CCPG1: variants seen among roughly 807,000 people sequenced by gnomAD.
CCPG1 encodes cell cycle progression 1.
Under a neutral mutation model 81.3 loss-of-function variants are expected in CCPG1, and 46 were observed. That is an observed-to-expected ratio of 0.57 (90% CI 0.45 to 0.72). The LOEUF (loss-of-function observed/expected upper bound fraction) is 0.72, where lower values mean the gene tolerates loss of function less well. Ranked by LOEUF, CCPG1 falls within the 30% of genes least tolerant of loss-of-function variation. The pLI is 0.00. For synonymous variants in CCPG1, 330 were observed against 305.2 expected (o/e 1.08, Z -0.85); for missense variants, 902 against 937.6 (o/e 0.96, Z 0.50).
At chr15:55,378,080 T>C (rs1179601095) in intron 4 of CCPG1, among the ~76,000 whole-genome samples, 2 of 152,156 alleles carry the variant, frequency 1.3e-5, no homozygotes, top group African/African-American at 2.4e-5. Context: ...AAGAATGCAA[T>C]CTACTTCCAA....
chr15:55,381,769 T>C (rs1396672864), intron 3 of CCPG1, among the ~76,000 whole-genome samples: 1 of 152,148 alleles, frequency 6.6e-6, no homozygotes, highest in Non-Finnish European at 1.5e-5. Flanking sequence ...GTCCTATTTC[T>C]CTATATAAAT....
chr15:55,356,935 T>G (rs919862658), intron 8 of CCPG1: 1 of 985,552 alleles, frequency 1.0e-6, no homozygotes, highest in African/African-American at 1.7e-5. Context: ...CAAGAAAACA[T>G]TTTCCGCACA....
chr15:55,398,351 G>A (rs749845360), intron 1 of CCPG1: 10 of 152,206 alleles, frequency 6.6e-5, no homozygotes, highest in Non-Finnish European at 8.8e-5. Context: ...TCTCCCACAC[G>A]TCTACAATTC....
chr15:55,368,310 G>A (rs529415944), intron 6 of CCPG1, among the ~76,000 whole-genome samples: 128 of 152,170 alleles, frequency 8.4e-4, no homozygotes, highest in African/African-American at 2.8e-3. Flanking sequence ...CCAAGATTAC[G>A]TCTTCCTCAG....
intron 1 of CCPG1, among the ~76,000 whole-genome samples, chr15:55,404,232 C>G (rs1354007126): frequency 6.6e-6 from 1 of 150,458 alleles, no homozygotes. Context: ...TGAAAAACAA[C>G]GTGTTACCAG....
intron 1 of CCPG1, among the ~76,000 whole-genome samples, chr15:55,407,038 C>CCCACCG (rs1566988237): frequency 8.9e-6 from 1 of 112,104 alleles, no homozygotes; most frequent in South Asian, 2.9e-4. Context: ...CACGTTGAGA[C>CCCACCG]CCCCCCCCCC....
chr15:55,404,084 CTAA>C (rs1194062074), intron 1 of CCPG1, among the ~76,000 whole-genome samples: 7 of 151,994 alleles, frequency 4.6e-5, no homozygotes, highest in Admixed American at 6.6e-5. Context: ...GACCCAAAGC[CTAA>C]TAACATATTG....
At chr15:55,366,177 T>C (rs866849985) in intron 6 of CCPG1, among the ~76,000 whole-genome samples, 2 of 152,208 alleles carry the variant, frequency 1.3e-5, no homozygotes, top group African/African-American at 4.8e-5. Context: ...CTTACTATAT[T>C]GAAGGCACTC....
chr15:55,360,264 AAACTCCTTGGTAGAATTC>A lies in CCPG1; in HGVS notation c.1491_1508del (p.Lys497_Phe503delinsAsn). 1 of 1,613,990 alleles carries A rather than the reference AAACTCCTTGGTAGAATTC, an allele frequency of 6.2e-7. No individual in the cohort carries two copies. The highest frequency in any genetic ancestry group is 8.5e-7 in the Non-Finnish European group (1 of 1,180,000). On this transcript the variant is annotated inframe_deletion, in exon 8 of 9. Coordinates refer to ENST00000442196, the MANE Select transcript of CCPG1 (RefSeq NM_001204450.2). Reference sequence around the variant, plus strand: ...TAATTTTCTCTTTATGATGCCTTACAAACTCCTTGGTAGAATTCTTCATGGCATCAAATGTTTCCTTAA... The same window carrying A: ...TAATTTTCTCTTTATGATGCCTTACATTCATGGCATCAAATGTTTCCTTAA...
chr15:55,397,781 A>C (rs2057049363), intron 1 of CCPG1, among the ~76,000 whole-genome samples: 1 of 152,180 alleles, frequency 6.6e-6, no homozygotes, highest in African/African-American at 2.4e-5. Flanking sequence ...GTTCATGACC[A>C]GCCTGACCAA....
Position 55,359,732 on chromosome 15 carries a change from T to A in CCPG1, c.2041A>T (p.Ile681Phe). 2 of 1,613,598 alleles carry A rather than the reference T, an allele frequency of 1.2e-6. No individual in the cohort carries two copies. Among genetic ancestry groups the A allele is most frequent in the East Asian group, 2.2e-5 (1 of 44,834 alleles). Residue 681 changes from isoleucine to phenylalanine, a missense_variant, in exon 8 of 9, where the codon ATC becomes TTC. Physicochemically the swap from Ile to Phe is conservative, Grantham distance 21. Coordinates refer to ENST00000442196, the MANE Select transcript of CCPG1 (RefSeq NM_001204450.2). ...ACACCGTTTAGGAAAAACTTATTGA[T>A]GAACTGATCAAGTTCGTTCCAGTGA... ...FCHWNELDQF[I>F]NKFFLNGVFI...
intron 3 of CCPG1, among the ~76,000 whole-genome samples, chr15:55,384,777 G>A (rs1416394767): frequency 1.3e-5 from 2 of 152,088 alleles, no homozygotes; most frequent in East Asian, 3.9e-4. Flanking sequence ...CTCAACACAG[G>A]GTTGCCACAA....
chr15:55,363,799 CTTTTTTTTTTTTTTTTTT>C (rs565044184), intron 7 of CCPG1, among the ~76,000 whole-genome samples: 1 of 93,942 alleles, frequency 1.1e-5, no homozygotes. Flanking sequence ...TTTCCTTTTC[CTTTTTTTTTTTTTTTTTT>C]TTTTTTGAGA....
chr15:55,394,691 T>C (rs187126506), intron 1 of CCPG1, among the ~76,000 whole-genome samples: 398 of 152,200 alleles, frequency 2.6e-3, no homozygotes, highest in Non-Finnish European at 4.6e-3. Context: ...TTATGGTTTC[T>C]CTGAATAAAT....
intron 1 of CCPG1, among the ~76,000 whole-genome samples, chr15:55,407,127 C>G (rs1008922679): frequency 2.7e-5 from 4 of 150,928 alleles, no homozygotes; most frequent in African/African-American, 9.8e-5. Context: ...ACTCGGGAGG[C>G]TGAGGCAGGA....
chr15:55,402,809 A>G (rs769453907), intron 1 of CCPG1, among the ~76,000 whole-genome samples: 4 of 152,224 alleles, frequency 2.6e-5, no homozygotes, highest in Non-Finnish European at 4.4e-5. Context: ...GCTACTTCCT[A>G]TTGTCAAACT....
At chr15:55,363,745 A>G (rs1198350934) in intron 7 of CCPG1, among the ~76,000 whole-genome samples, 1 of 148,496 alleles carries the variant, frequency 6.7e-6, no homozygotes, top group Non-Finnish European at 1.5e-5. Context: ...AAGTGTGAGA[A>G]TTGGGGGTGG....
chr15:55,399,433 A>AC (rs2057084325), intron 1 of CCPG1, among the ~76,000 whole-genome samples: 1 of 151,216 alleles, frequency 6.6e-6, no homozygotes, highest in African/African-American at 2.4e-5. Flanking sequence ...AAAAAAAAAA[A>AC]AAAAAACTAG....
chr15:55,397,226 AC>A (rs985926665), intron 1 of CCPG1, among the ~76,000 whole-genome samples: 7 of 131,766 alleles, frequency 5.3e-5, no homozygotes, highest in African/African-American at 1.0e-4. Context: ...AAAAAAACAA[AC>A]AAAAAAAAAA....
Sources: gnomAD v4.1 joint callset for allele counts (sites outside exome capture counted in the v4.1 genomes callset) on GRCh38, gnomAD v4.1.1 for gene constraint, MANE v1.5 for transcripts, NCBI Gene and HGNC (gene_info 2026-07-23, HGNC 2026-07-21) for gene names.